SH3BP4: variants seen among roughly 807,000 people sequenced by gnomAD.
SH3BP4 encodes SH3 domain-binding protein 4.
SH3BP4 carries 33 observed loss-of-function variants against 65.5 expected under a neutral mutation model. The ratio of observed to expected loss-of-function variants is 0.50; its 90% CI spans 0.38 to 0.67. The LOEUF is 0.67. Among genes scored for constraint, SH3BP4 ranks in the 30% least tolerant of loss-of-function variants. The pLI is 0.00. For synonymous variants in SH3BP4, 552 were observed against 545.5 expected, an observed-to-expected ratio of 1.01 and a Z score of -0.17; for missense variants, 1,134 against 1,261.4, an observed-to-expected ratio of 0.90 and a Z score of 1.53.
intron 1 of SH3BP4, among the ~76,000 whole-genome samples, chr2:234,963,331 CTTATAA>C (rs958739238): frequency 7.9e-5 from 12 of 152,294 alleles, no homozygotes; most frequent in African/African-American, 9.6e-5. Flanking sequence ...CTATGAAGAA[CTTATAA>C]TTATATTAAT....
At position 235,043,089 on chromosome 2, in the gene SH3BP4, G is replaced by T; in HGVS notation, c.2320G>T (p.Asp774Tyr). 2 of 1,613,490 alleles carry T rather than the reference G, an allele frequency of 1.2e-6. No individual in the cohort carries two copies. The highest frequency in any genetic ancestry group is 2.2e-5 in the South Asian group (2 of 91,020). Residue 774 changes from aspartate to tyrosine, a missense_variant, in exon 4 of 6, where the codon GAC becomes TAC. Physicochemically the swap from Asp to Tyr is radical, Grantham distance 160. Transcript: ENST00000392011. ...CATCAGCAGCTGGCGCTCCTTCGCT[G>T]ACGCCCTGGGCTACGTGAACCTGCC... ...ENISSWRSFADALGYVNLPLT... is the reference protein window; with the variant it reads ...ENISSWRSFAYALGYVNLPLT...
chr2:235,022,651 C>T (rs1694879606), intron 2 of SH3BP4, among the ~76,000 whole-genome samples: 1 of 152,164 alleles, frequency 6.6e-6, no homozygotes, highest in African/African-American at 2.4e-5. Context: ...ATAAGCAAGG[C>T]TTTTCTTGAC....
At chr2:235,028,788 G>C (rs376616850) in intron 2 of SH3BP4, among the ~76,000 whole-genome samples, 6 of 152,200 alleles carry the variant, frequency 3.9e-5, no homozygotes, top group African/African-American at 1.4e-4. Flanking sequence ...GAGGGGATGA[G>C]AGCATCTCGT....
intron 3 of SH3BP4, among the ~76,000 whole-genome samples, chr2:235,039,571 C>A (rs1055930488): frequency 6.6e-6 from 1 of 150,962 alleles, no homozygotes; most frequent in Non-Finnish European, 1.5e-5. Flanking sequence ...CAGCAGACTC[C>A]GTAAGTGAGG....
chr2:235,028,230 T>C (rs1447813875), intron 2 of SH3BP4, among the ~76,000 whole-genome samples: 1 of 152,206 alleles, frequency 6.6e-6, no homozygotes, highest in Non-Finnish European at 1.5e-5. Context: ...TGGAGCCTGC[T>C]CTTCTAGGGG....
At chr2:235,020,060 A>G (rs1694807531) in intron 2 of SH3BP4, among the ~76,000 whole-genome samples, 1 of 152,228 alleles carries the variant, frequency 6.6e-6, no homozygotes, top group African/African-American at 2.4e-5. Flanking sequence ...TCTTTGCGAC[A>G]TAAGAGAAAG....
chr2:234,997,820 G>A lies in SH3BP4; in HGVS notation c.-133+2444G>A, dbSNP rs1365938982. On this transcript the variant is annotated intron_variant, in intron 2 of 5. Coordinates refer to ENST00000392011, the MANE Select transcript of SH3BP4 (RefSeq NM_014521.3). This position sits in a 1 kb window ranked among gnomAD's most constrained non-coding sequence, Gnocchi z 4.2. ...ACTTCATTCAAGTTCAAGTTCAGAG[G>A]GTGATTAAGAAGAATCAGAAGACTG... is the stretch of plus-strand genomic sequence containing the variant. Among the ~76,000 whole-genome samples the A allele has an allele frequency of 6.6e-6, 1 of 152,120 alleles. No homozygotes were observed. Among genetic ancestry groups the A allele is most frequent in the African/African-American group, 2.4e-5 (1 of 41,440 alleles).
At position 235,033,038 on chromosome 2, in the gene SH3BP4, G is replaced by T. The variant is rs528695726; in HGVS notation, c.-132-1833G>T. Among the ~76,000 whole-genome samples the T allele has an allele frequency of 2.6e-5, 4 of 152,302 alleles. No individual in the cohort carries two copies. Among genetic ancestry groups the T allele is most frequent in the African/African-American group, 9.6e-5 (4 of 41,562 alleles). On this transcript the variant is annotated intron_variant, in intron 2 of 5. Transcript: ENST00000392011. The surrounding 1 kb of genome is among the most constrained non-coding windows in gnomAD (Gnocchi z 5.7). ...ACTCTGCCCCTCCTTACACTGCTGG[G>T]TAGGAGAGACGGCGGGGCTGGGCTC...
chr2:234,964,632 G>A (rs1297550708), intron 1 of SH3BP4, among the ~76,000 whole-genome samples: 1 of 152,128 alleles, frequency 6.6e-6, no homozygotes, highest in Non-Finnish European at 1.5e-5. Context: ...ATTTAGGGGG[G>A]CAGTGGACTG....
At chr2:235,027,216 C>T (rs1013913237) in intron 2 of SH3BP4, among the ~76,000 whole-genome samples, 13 of 152,214 alleles carry the variant, frequency 8.5e-5, no homozygotes, top group African/African-American at 3.1e-4. Flanking sequence ...CCAGACCAGT[C>T]GGATCAGGAC....
At position 234,952,120 on chromosome 2, in the gene SH3BP4, C is replaced by T. The variant is rs1202464873; in HGVS notation, c.-257C>T. The T allele has an allele frequency of 2.0e-5, 3 of 149,070 alleles. No individual in the cohort carries two copies. Among genetic ancestry groups the T allele is most frequent in the Admixed American group, 1.3e-4 (2 of 14,934 alleles). The allele number at this position is 149,070 out of a possible 1,614,324, so 9.2% of individuals were successfully genotyped here. On this transcript the variant is annotated 5_prime_UTR_variant, in exon 1 of 6. Coordinates refer to ENST00000392011, the MANE Select transcript of SH3BP4 (RefSeq NM_014521.3). This position sits in a 1 kb window ranked among gnomAD's most constrained non-coding sequence, Gnocchi z 6.5. ...GCGCGCCCCCGGCTGGGCCGAGCCG[C>T]TGGCCGACGAGCGGAGCCTCAGGAG...
chr2:235,033,879 C>G lies in SH3BP4; in HGVS notation c.-132-992C>G, dbSNP rs1045706706. Among the ~76,000 whole-genome samples the G allele has an allele frequency of 2.0e-5, 3 of 152,142 alleles. No homozygotes were observed. The highest frequency in any genetic ancestry group is 4.4e-5 in the Non-Finnish European group (3 of 68,030). ...GGTCAGAAGCTACATTCTCAGCTGT[C>G]CCTGGATAGAGGAATTGAGGAAAAA... On this transcript the variant is annotated intron_variant, in intron 2 of 5. Coordinates refer to ENST00000392011, the MANE Select transcript of SH3BP4 (RefSeq NM_014521.3). This position sits in a 1 kb window ranked among gnomAD's most constrained non-coding sequence, Gnocchi z 5.7.
intron 1 of SH3BP4, among the ~76,000 whole-genome samples, chr2:234,965,494 A>G (rs1692813493): frequency 6.6e-6 from 1 of 152,246 alleles, no homozygotes; most frequent in Non-Finnish European, 1.5e-5. Context: ...TGAAAACTTG[A>G]ATACAACCTT....
At chr2:234,992,813 T>G (rs1212725833) in intron 1 of SH3BP4, among the ~76,000 whole-genome samples, 1 of 147,558 alleles carries the variant, frequency 6.8e-6, no homozygotes, top group Non-Finnish European at 1.5e-5. Context: ...TGGCTCTGCA[T>G]CAGGAGCCCC....
rs1559254534 is a variant in SH3BP4 at position 235,038,364 on chromosome 2, ATAATATATATACATATATAT to A, written c.119-2523_119-2504del. 2.7e-4 allele frequency among the ~76,000 whole-genome samples: 9 copies of A among 33,490 alleles called. 2 individuals carry two copies. The highest frequency in any genetic ancestry group is 2.3e-3 in the African/African-American group (9 of 3,884). The allele number at this position is 33,490 out of a possible 152,430, so 22.0% of individuals were successfully genotyped here. ...GTATATATATTTTATATATATATAT[ATAATATATATACATATATAT>A]ATATATATATATATATATATATATA... On this transcript the variant is annotated intron_variant, in intron 3 of 5. Transcript: ENST00000392011.
intron 2 of SH3BP4, among the ~76,000 whole-genome samples, chr2:235,004,048 A>G (rs1445322362): frequency 6.6e-6 from 1 of 152,214 alleles, no homozygotes; most frequent in Non-Finnish European, 1.5e-5. Flanking sequence ...GAAGTTTGCC[A>G]CGGCTTCCCC....
chr2:235,049,771 T>C (rs939785136), intron 4 of SH3BP4, among the ~76,000 whole-genome samples: 4 of 152,230 alleles, frequency 2.6e-5, no homozygotes, highest in African/African-American at 4.8e-5. Flanking sequence ...CCCAATTCCA[T>C]GTGGGGCTCA....
intron 5 of SH3BP4, among the ~76,000 whole-genome samples, chr2:235,053,041 G>A (rs868323281): frequency 3.3e-5 from 5 of 152,198 alleles, no homozygotes; most frequent in South Asian, 2.1e-4. Context: ...ATTACCATCC[G>A]TAGGGTTGAA....
intron 1 of SH3BP4, among the ~76,000 whole-genome samples, chr2:234,954,535 T>G (rs1692545228): frequency 6.6e-6 from 1 of 152,154 alleles, no homozygotes; most frequent in Admixed American, 6.5e-5. Context: ...GCCTTGTCTG[T>G]TCATGTATTG....
Sources: gnomAD v4.1 joint callset for allele counts (sites outside exome capture counted in the v4.1 genomes callset) on GRCh38, gnomAD v4.1.1 for gene constraint, Gnocchi (gnomAD v3.1) non-coding constraint, MANE v1.5 for transcripts, NCBI Gene and HGNC (gene_info 2026-07-23, HGNC 2026-07-21) for gene names.